AAGAB: variants seen among roughly 807,000 people sequenced by gnomAD.
AAGAB encodes alpha and gamma adaptin binding protein.
AAGAB carries 38 observed loss-of-function variants against 44.1 expected under a neutral mutation model. That is an observed-to-expected ratio of 0.86 (90% CI 0.67 to 1.13). AAGAB has a LOEUF of 1.13. Ranked by LOEUF, AAGAB falls within the 50% of genes most tolerant of loss-of-function variation. AAGAB has a pLI of 0.00. For synonymous variants in AAGAB, 131 were observed against 131.8 expected, an observed-to-expected ratio of 0.99 and a Z score of 0.04; for missense variants, 450 against 373.8, an observed-to-expected ratio of 1.20 and a Z score of -1.68.
At chr15:67,219,732 C>A (rs766582081) in intron 5 of AAGAB, among the ~76,000 whole-genome samples, 3 of 151,958 alleles carry the variant, frequency 2.0e-5, no homozygotes, top group Non-Finnish European at 4.4e-5. Context: ...GTACATGTAC[C>A]CCCAATTCTA....
upstream of AAGAB, chr15:67,255,181 A>T: frequency 6.9e-6 from 4 of 582,094 alleles, no homozygotes; most frequent in Non-Finnish European, 1.2e-5. Context: ...CCTCTGGGAA[A>T]ACTCTAAAAC....
chr15:67,254,314 G>A (rs1327248502), intron 1 of AAGAB: 1 of 1,111,414 alleles, frequency 9.0e-7, no homozygotes, highest in African/African-American at 1.6e-5. Context: ...GGGCTGAGCA[G>A]AGCGGGAAAT....
In AAGAB at chr15:67,202,568, G is replaced by T; in HGVS notation, c.*253C>A. The T allele has an allele frequency of 2.2e-6, 1 of 463,700 alleles. No homozygotes were observed. Among genetic ancestry groups the T allele is most frequent in the South Asian group, 3.6e-5 (1 of 28,052 alleles). 28.7% of individuals were successfully genotyped at this position (463,700 alleles called of 1,614,324 possible). A position where few individuals can be genotyped will look rare whatever the true frequency, so the allele number is the denominator to read the frequency against. On this transcript the variant is annotated 3_prime_UTR_variant, in exon 10 of 10. Transcript: ENST00000261880. ...GAGATTTATCCTACCCTCATTCCTA[G>T]AACAAAAAAAAAGTATATTTAAGAA... is the stretch of plus-strand genomic sequence containing the variant.
chr15:67,220,647 CTTAT>C (rs1964045724), intron 5 of AAGAB: 1 of 152,170 alleles, frequency 6.6e-6, no homozygotes. Context: ...AATAATGCTC[CTTAT>C]TAAGTTTCAT....
At chr15:67,229,481 A>C (rs1375505405) in intron 5 of AAGAB, among the ~76,000 whole-genome samples, 1 of 151,660 alleles carries the variant, frequency 6.6e-6, no homozygotes, top group Non-Finnish European at 1.5e-5. Flanking sequence ...ACCCAAAAAA[A>C]CTCCTTGTTC....
intron 1 of AAGAB, among the ~76,000 whole-genome samples, chr15:67,246,643 TG>T: frequency 6.6e-6 from 1 of 151,794 alleles, no homozygotes; most frequent in Non-Finnish European, 1.5e-5. Context: ...ATCAGCACTC[TG>T]TAAAAACACA....
At chr15:67,210,938 C>T (rs908461476) in intron 5 of AAGAB, among the ~76,000 whole-genome samples, 2 of 152,210 alleles carry the variant, frequency 1.3e-5, no homozygotes, top group African/African-American at 4.8e-5. Flanking sequence ...CTTGCCTTTC[C>T]TCTCTATCTC....
chr15:67,220,472 G>A (rs933029014), intron 5 of AAGAB: 1 of 152,156 alleles, frequency 6.6e-6, no homozygotes, highest in Non-Finnish European at 1.5e-5. Flanking sequence ...GTGGTCTCAC[G>A]TTGGCTACAA....
intron 5 of AAGAB, among the ~76,000 whole-genome samples, chr15:67,212,299 A>C (rs1963842567): frequency 6.6e-6 from 1 of 152,184 alleles, no homozygotes; most frequent in Non-Finnish European, 1.5e-5. Context: ...TTACATGTTC[A>C]TGTATTATTT....
chr15:67,236,816 GA>G lies in AAGAB; in HGVS notation c.77del (p.Ile26ThrfsTer11), dbSNP rs1567027795. The G allele has an allele frequency of 1.2e-6, 2 of 1,600,016 alleles. No individual in the cohort carries two copies. Among genetic ancestry groups the G allele is most frequent in the Non-Finnish European group, 1.7e-6 (2 of 1,174,062 alleles). ...VFSGDQLVQH[I>X]LGTEDLIVEV... is the part of the protein sequence containing the mutation. Reference sequence around the variant, plus strand: ...CCACAATAAGATCTTCTGTTCCAAGGATATCTAAAAATAAATGACAACATTA... The same window carrying G: ...CCACAATAAGATCTTCTGTTCCAAGGTATCTAAAAATAAATGACAACATTA... On this transcript the variant is annotated frameshift_variant, in exon 2 of 10. Coordinates refer to ENST00000261880, the MANE Select transcript of AAGAB (RefSeq NM_024666.5). LOFTEE classifies it high-confidence loss of function.
chr15:67,231,223 C>T (rs762873088), intron 5 of AAGAB, among the ~76,000 whole-genome samples: 1 of 152,116 alleles, frequency 6.6e-6, no homozygotes. Flanking sequence ...TGGAGATGGG[C>T]TCTTACCATG....
At chr15:67,234,470 C>T (rs1325015957) in intron 4 of AAGAB, among the ~76,000 whole-genome samples, 2 of 152,014 alleles carry the variant, frequency 1.3e-5, no homozygotes, top group Non-Finnish European at 2.9e-5. Flanking sequence ...AAAATTAATA[C>T]AAACTAGCAT....
At chr15:67,253,530 G>C (rs554711703) in intron 1 of AAGAB, among the ~76,000 whole-genome samples, 1 of 151,948 alleles carries the variant, frequency 6.6e-6, no homozygotes, top group Admixed American at 6.6e-5. Context: ...AAGACAGGAG[G>C]ATCACTTGAA....
In AAGAB at chr15:67,242,429, CAAAAAAAAAAAAAAAAAAAAAAAAA is replaced by C. The variant is rs59817309; in HGVS notation, c.74-5634_74-5610del. Among the ~76,000 whole-genome samples, 3 of 58,756 alleles carry C rather than the reference CAAAAAAAAAAAAAAAAAAAAAAAAA, an allele frequency of 5.1e-5. 1 individual carries two copies. The highest frequency in any genetic ancestry group is 5.1e-4 in the Admixed American group (2 of 3,892). 38.5% of individuals were successfully genotyped at this position (58,756 alleles called of 152,430 possible). On this transcript the variant is annotated intron_variant, in intron 1 of 9. Coordinates refer to ENST00000261880, the MANE Select transcript of AAGAB (RefSeq NM_024666.5). The stretch of plus-strand genomic sequence containing the variant: ...TGGGCGACAGAGCGAGACTCCGTCT[CAAAAAAAAAAAAAAAAAAAAAAAAA>C]AAAAAAAAAAAATCATATCGGATTC...
At chr15:67,218,464 A>G (rs1000359304) in intron 5 of AAGAB, among the ~76,000 whole-genome samples, 14 of 151,886 alleles carry the variant, frequency 9.2e-5, no homozygotes, top group African/African-American at 1.9e-4. Context: ...ACAAACAAAC[A>G]AAAAACAACT....
At chr15:67,225,388 TTTTC>T (rs755285022) in intron 5 of AAGAB, among the ~76,000 whole-genome samples, 11 of 152,110 alleles carry the variant, frequency 7.2e-5, no homozygotes, top group South Asian at 2.1e-4. Context: ...CATTTCCTTC[TTTTC>T]TTTCTTTTTA....
intron 5 of AAGAB, among the ~76,000 whole-genome samples, chr15:67,225,091 G>A (rs949276469): frequency 6.6e-6 from 1 of 152,158 alleles, no homozygotes; most frequent in African/African-American, 2.4e-5. Context: ...TACTGTAGCT[G>A]ACACTCCCTT....
Position 67,236,071 on chromosome 15 carries a change from A to G in AAGAB, c.362-3T>C, listed in dbSNP as rs1964455977. On this transcript the variant is annotated splice_region_variant and splice_polypyrimidine_tract_variant and intron_variant, in intron 3 of 9. Transcript: ENST00000261880. ...TTGAGCTTTTTGTCGGTTTATACCT[A>G]AAATAATATGCAAAAGAATCTTCAT... 2 of 1,594,022 alleles carry G rather than the reference A, an allele frequency of 1.3e-6. No homozygotes were observed. The highest frequency in any genetic ancestry group is 2.2e-5 in the East Asian group (1 of 44,672).
chr15:67,227,829 G>T (rs2140368084), intron 5 of AAGAB, among the ~76,000 whole-genome samples: 1 of 152,274 alleles, frequency 6.6e-6, no homozygotes, highest in South Asian at 2.1e-4. Context: ...GCATCAAAAT[G>T]TCATTCATTG....
Sources: allele counts gnomAD v4.1 joint callset (sites outside exome capture counted in the v4.1 genomes callset), GRCh38; gene constraint gnomAD v4.1.1; transcripts MANE v1.5; gene names NCBI Gene and HGNC (gene_info 2026-07-23, HGNC 2026-07-21).